NSUN7: variants seen among roughly 807,000 people sequenced by gnomAD.
NSUN7 encodes the protein protein NSUN7.
In NSUN7, 39 loss-of-function variants were observed where a neutral mutation model predicts 58.5. That is an observed-to-expected ratio of 0.67 (90% CI 0.52 to 0.87). NSUN7 has a LOEUF of 0.87. NSUN7 is among the 40% of genes least tolerant of loss of function. NSUN7 has a pLI of 0.00. For missense variants in NSUN7, 765 were observed against 844.1 expected (o/e 0.91, Z 1.16); for synonymous variants, 278 against 303.7 (o/e 0.92, Z 0.88).
At chr4:40,783,787 G>T (rs1742685692) in intron 7 of NSUN7, among the ~76,000 whole-genome samples, 1 of 151,904 alleles carries the variant, frequency 6.6e-6, no homozygotes, top group Non-Finnish European at 1.5e-5. Flanking sequence ...GGTGGAGGTT[G>T]CAGTGAGCCA....
At position 40,750,918 on chromosome 4, in the gene NSUN7, G is replaced by A. The variant is rs1430495691; in HGVS notation, c.225G>A (p.Leu75=). Residue 75 remains leucine (L), a synonymous_variant, in exon 2 of 12, where the codon CTG becomes CTA. Coordinates refer to ENST00000381782, the MANE Select transcript of NSUN7 (RefSeq NM_024677.6). ...TAATCAAGTATGGGAATGAACCCCT[G>A]CGGTCCTTGTCCGAGTCTGAGGATC... is the stretch of plus-strand genomic sequence containing the variant. ...KVLIKYGNEP[L]RSLSESEDQS... is the part of the protein sequence containing the mutation. The A allele has an allele frequency of 2.5e-6, 4 of 1,614,208 alleles. No individual in the cohort carries two copies. The highest frequency in any genetic ancestry group is 3.4e-6 in the Non-Finnish European group (4 of 1,180,038).
intron 8 of NSUN7, among the ~76,000 whole-genome samples, 164 bp from the exon 9 acceptor site, chr4:40,794,211 C>T (rs1035288430): frequency 6.6e-6 from 1 of 151,950 alleles, no homozygotes; most frequent in African/African-American, 2.4e-5. Flanking sequence ...CTTTATTGTT[C>T]TAATTTTTAA....
At chr4:40,785,195 T>G (rs1368626922) in intron 7 of NSUN7, among the ~76,000 whole-genome samples, 1 of 150,264 alleles carries the variant, frequency 6.7e-6, no homozygotes, top group African/African-American at 2.4e-5. Flanking sequence ...ACCACCACTC[T>G]CAGCTATTTT....
chr4:40,755,015 C>T (rs1032062520), intron 2 of NSUN7, among the ~76,000 whole-genome samples: 6 of 152,138 alleles, frequency 3.9e-5, no homozygotes, highest in African/African-American at 7.2e-5. Context: ...TTTCTGCTAA[C>T]GAAGGTAGAA....
At chr4:40,782,887 C>G (rs1312379325) in intron 7 of NSUN7, among the ~76,000 whole-genome samples, 1 of 151,834 alleles carries the variant, frequency 6.6e-6, no homozygotes, top group Non-Finnish European at 1.5e-5. Flanking sequence ...AAAAAATAAT[C>G]AAGGAAGACA....
rs1054803472 is a variant in NSUN7 at position 40,760,665 on chromosome 4, C to T, written c.357+173C>T. On this transcript the variant is annotated intron_variant, in intron 3 of 11. Coordinates refer to ENST00000381782, the MANE Select transcript of NSUN7 (RefSeq NM_024677.6). ...ATCATCTGAGGTCGGGAGTTCGAGACCAGCCTGACCAACATGGAGAAACCT... is the reference window on the plus strand; with the variant it reads ...ATCATCTGAGGTCGGGAGTTCGAGATCAGCCTGACCAACATGGAGAAACCT... Among the ~76,000 whole-genome samples, 4 of 151,884 alleles carry T rather than the reference C, an allele frequency of 2.6e-5. No individual in the cohort carries two copies. In the East Asian group the frequency reaches 5.8e-4, roughly 22 times the overall value.
chr4:40,772,687 G>A (rs537008282), intron 4 of NSUN7, among the ~76,000 whole-genome samples: 1 of 152,248 alleles, frequency 6.6e-6, no homozygotes, highest in East Asian at 1.9e-4. Context: ...AACAGTTGGT[G>A]CTAAAAAAAT....
chr4:40,762,560 A>G (rs2154286869), intron 4 of NSUN7: 1 of 152,320 alleles, frequency 6.6e-6, no homozygotes, highest in South Asian at 2.1e-4. Flanking sequence ...TTTACGTAAC[A>G]ATTCTATGCA....
intron 4 of NSUN7, among the ~76,000 whole-genome samples, chr4:40,763,590 T>G (rs542367705): frequency 6.6e-6 from 1 of 152,266 alleles, no homozygotes; most frequent in South Asian, 2.1e-4. Context: ...TAAGAAAGAT[T>G]ACACTGTGGT....
chr4:40,750,496 G>A, intron 1 of NSUN7, 107 bp from the exon 2 acceptor site: 1 of 537,130 alleles, frequency 1.9e-6, no homozygotes, highest in Admixed American at 3.2e-5. Flanking sequence ...ACACTCAGAT[G>A]GGACGGGAAA....
intron 4 of NSUN7, among the ~76,000 whole-genome samples, chr4:40,761,999 T>TGA (rs1741483261): frequency 6.6e-6 from 1 of 152,222 alleles, no homozygotes; most frequent in African/African-American, 2.4e-5. Context: ...TGGGGCCTAA[T>TGA]GAGAAGTGTT....
intron 9 of NSUN7, among the ~76,000 whole-genome samples, chr4:40,794,841 C>G (rs1743249287): frequency 6.6e-6 from 1 of 152,168 alleles, no homozygotes; most frequent in Non-Finnish European, 1.5e-5. Flanking sequence ...AACTCTTCTA[C>G]AGTCCAAATT....
intron 2 of NSUN7, among the ~76,000 whole-genome samples, chr4:40,753,973 CCTCTGT>C (rs1242707248): frequency 6.6e-6 from 1 of 152,106 alleles, no homozygotes; most frequent in Non-Finnish European, 1.5e-5. Flanking sequence ...GTCCATTAAA[CCTCTGT>C]CTTTTGTAAA....
chr4:40,763,409 C>T (rs1741552653), intron 4 of NSUN7, among the ~76,000 whole-genome samples: 1 of 134,892 alleles, frequency 7.4e-6, no homozygotes, highest in Non-Finnish European at 1.6e-5. Context: ...AAACTTGGAG[C>T]AATATGCTAT....
rs1348825110 is a variant in NSUN7, at chr4:40,810,571, T to G, written c.*1632T>G. The G allele has an allele frequency of 2.8e-5, 3 of 107,416 alleles. No individual in the cohort carries two copies. In the Admixed American group the frequency reaches 3.1e-4, roughly 11 times the overall value. The allele number at this position is 107,416 out of a possible 1,614,324, so 6.7% of individuals were successfully genotyped here. A position where few individuals can be genotyped will look rare whatever the true frequency, so the allele number is the denominator to read the frequency against. ...CCAGCCTGGGAAGCAGAGTGAGACC[T>G]TGCCTCAAAAAAAAAAAAAAAAAAA... On this transcript the variant is annotated 3_prime_UTR_variant, in exon 12 of 12. Coordinates refer to ENST00000381782, the MANE Select transcript of NSUN7 (RefSeq NM_024677.6).
At position 40,773,885 on chromosome 4, in the gene NSUN7, G is replaced by A. The variant is rs556010217; in HGVS notation, c.489-380G>A. Among the ~76,000 whole-genome samples the A allele has an allele frequency of 2.7e-4, 41 of 151,956 alleles. No individual in the cohort carries two copies. In the East Asian group the frequency reaches 6.1e-3, roughly 22 times the overall value. ...GGAATCTCGGTTCACTGCAACCTCC[G>A]CCTCCTGGGTTCAAGTGATTCTCCT... On this transcript the variant is annotated intron_variant, in intron 4 of 11. Transcript: ENST00000381782.
At chr4:40,799,073 C>CTTTTTGTTTTTTTTTTTTTT (rs1553919775) in intron 10 of NSUN7, among the ~76,000 whole-genome samples, 169 bp downstream of exon 10, 2 of 76,206 alleles carry the variant, frequency 2.6e-5, no homozygotes, top group Non-Finnish European at 5.1e-5. Context: ...GGGCCTTTTT[C>CTTTTTGTTTTTTTTTTTTTT]TTTTTTTTTT....
chr4:40,775,153 A>T lies in NSUN7; in HGVS notation c.825+203A>T. 1 of 284,116 alleles carries T rather than the reference A, an allele frequency of 3.5e-6. No individual in the cohort carries two copies. Among genetic ancestry groups the T allele is most frequent in the Non-Finnish European group, 6.5e-6 (1 of 153,628 alleles). The allele number at this position is 284,116 out of a possible 1,614,324, so 17.6% of individuals were successfully genotyped here. On this transcript the variant is annotated intron_variant, in intron 6 of 11. Coordinates refer to ENST00000381782, the MANE Select transcript of NSUN7 (RefSeq NM_024677.6). The surrounding 1 kb of genome is among the most constrained non-coding windows in gnomAD (Gnocchi z 4.3). ...GCGTCTTTGTCTCATGTGAATTTAT[A>T]AAGAACATATTCTTCTCCCAGATTC...
At chr4:40,771,480 TGAGA>T (rs964603257) in intron 4 of NSUN7, among the ~76,000 whole-genome samples, 11 of 151,762 alleles carry the variant, frequency 7.2e-5, no homozygotes, top group Non-Finnish European at 1.5e-4. Flanking sequence ...TTCAGATAAT[TGAGA>T]GAGAGAGAAT....
Sources: gnomAD v4.1 joint callset for allele counts (sites outside exome capture counted in the v4.1 genomes callset) on GRCh38, gnomAD v4.1.1 for gene constraint, Gnocchi (gnomAD v3.1) non-coding constraint, MANE v1.5 for transcripts, NCBI Gene and HGNC (gene_info 2026-07-23, HGNC 2026-07-21) for gene names.